Variants in ROR1 observed in about 807,000 individuals in gnomAD.
The protein encoded by ROR1 is ROR family WNT receptor 1.
In ROR1, 19 loss-of-function variants were observed where a neutral mutation model predicts 78.8. That is an observed-to-expected ratio of 0.24 (90% CI 0.17 to 0.35). The LOEUF (loss-of-function observed/expected upper bound fraction) is 0.35, where lower values mean the gene tolerates loss of function less well. ROR1 is among the 10% of genes least tolerant of loss of function. ROR1 has a pLI of 1.00. For missense variants in ROR1, 917 were observed against 1,177.8 expected, an observed-to-expected ratio of 0.78 and a Z score of 3.24; for synonymous variants, 386 against 433.6, an observed-to-expected ratio of 0.89 and a Z score of 1.36.
rs147973610 is a variant in ROR1 at position 63,844,692 on chromosome 1, T to C, written c.91+70184T>C. 3.1e-3 allele frequency among the ~76,000 whole-genome samples: 478 copies of C among 152,248 alleles called. 2 individuals are homozygous for C. Among genetic ancestry groups the C allele is most frequent in the African/African-American group, 0.011 (451 of 41,542 alleles). On this transcript the variant is annotated intron_variant, in intron 1 of 8. Coordinates refer to ENST00000371079, the MANE Select transcript of ROR1 (RefSeq NM_005012.4). ...AGAATTAGGCCCTATAGGAGTCCAG[T>C]GTAGGGAGTTTGCTTGTTGAGTGTG...
intron 1 of ROR1, among the ~76,000 whole-genome samples, chr1:63,897,097 C>G (rs568307266): frequency 1.4e-4 from 21 of 152,200 alleles, no homozygotes; most frequent in African/African-American, 5.1e-4. Flanking sequence ...TTGCATTTCT[C>G]TTATTCACTA....
intron 8 of ROR1, among the ~76,000 whole-genome samples, chr1:64,163,674 T>A (rs1650009164): frequency 6.6e-6 from 1 of 152,164 alleles, no homozygotes; most frequent in South Asian, 2.1e-4. Context: ...AGACAATTCA[T>A]CTCTCCGTTT....
At chr1:64,022,473 A>G (rs1205757804) in intron 2 of ROR1, among the ~76,000 whole-genome samples, 1 of 152,214 alleles carries the variant, frequency 6.6e-6, no homozygotes, top group East Asian at 1.9e-4. Flanking sequence ...TGGTCTTGCT[A>G]TTCTTCTGTA....
At chr1:63,907,393 G>A (rs1402063326) in intron 1 of ROR1, among the ~76,000 whole-genome samples, 1 of 152,152 alleles carries the variant, frequency 6.6e-6, no homozygotes, top group East Asian at 1.9e-4. Context: ...CACCTCCTGG[G>A]GTTATTTTAA....
At chr1:63,826,777 G>A (rs1410899781) in intron 1 of ROR1, among the ~76,000 whole-genome samples, 1 of 151,730 alleles carries the variant, frequency 6.6e-6, no homozygotes, top group Admixed American at 6.6e-5. Flanking sequence ...TGGAGAAAAA[G>A]CATTCCTTTT....
chr1:63,963,087 A>T (rs1020412060), intron 1 of ROR1, among the ~76,000 whole-genome samples: 1 of 152,158 alleles, frequency 6.6e-6, no homozygotes, highest in East Asian at 1.9e-4. Flanking sequence ...TCAGTTATAG[A>T]TGACATCTGT....
intron 1 of ROR1, among the ~76,000 whole-genome samples, chr1:63,971,794 T>G (rs1646121581): frequency 6.6e-6 from 1 of 152,058 alleles, no homozygotes; most frequent in Non-Finnish European, 1.5e-5. Flanking sequence ...ACCTGATGGG[T>G]ATGAGTAGGA....
intron 4 of ROR1, among the ~76,000 whole-genome samples, chr1:64,084,805 C>T (rs562134544): frequency 3.3e-5 from 5 of 152,216 alleles, no homozygotes; most frequent in African/African-American, 1.2e-4. Flanking sequence ...TTTGGGGATG[C>T]CTTGAGAAGG....
At chr1:63,919,248 A>C (rs1242617677) in intron 1 of ROR1, among the ~76,000 whole-genome samples, 1 of 152,184 alleles carries the variant, frequency 6.6e-6, no homozygotes, top group Non-Finnish European at 1.5e-5. Flanking sequence ...TTTTTCTAAA[A>C]CTAATAGGAG....
chr1:63,989,716 T>A (rs1646279901), intron 1 of ROR1, among the ~76,000 whole-genome samples: 1 of 152,202 alleles, frequency 6.6e-6, no homozygotes. Context: ...ATGATGTGGT[T>A]TCTAGATCTC....
At chr1:64,143,297 G>A in intron 7 of ROR1, 1 of 960,354 alleles carries the variant, frequency 1.0e-6, no homozygotes, top group Non-Finnish European at 1.2e-6. Flanking sequence ...GAGGCAGGAG[G>A]ATCATTTGAG....
chr1:63,964,264 A>G (rs1212265687), intron 1 of ROR1, among the ~76,000 whole-genome samples: 6 of 152,194 alleles, frequency 3.9e-5, no homozygotes, highest in Non-Finnish European at 7.4e-5. Flanking sequence ...AATGCTTATT[A>G]AATGGAATTC....
chr1:63,965,539 G>A (rs1646066969), intron 1 of ROR1, among the ~76,000 whole-genome samples: 1 of 152,128 alleles, frequency 6.6e-6, no homozygotes, highest in Admixed American at 6.5e-5. Context: ...TTTAAAGGAA[G>A]AAAAATTAAA....
At chr1:63,984,195 G>A (rs1646233023) in intron 1 of ROR1, among the ~76,000 whole-genome samples, 1 of 152,170 alleles carries the variant, frequency 6.6e-6, no homozygotes, top group Admixed American at 6.5e-5. Context: ...TGGCTGAATG[G>A]TAGGAGCTAG....
intron 4 of ROR1, among the ~76,000 whole-genome samples, chr1:64,060,298 T>C (rs145253444): frequency 6.6e-6 from 1 of 152,314 alleles, no homozygotes; most frequent in Non-Finnish European, 1.5e-5. Flanking sequence ...AGTATCATCA[T>C]CAATGCTATC....
chr1:63,884,840 G>GTT (rs1161566027), intron 1 of ROR1, among the ~76,000 whole-genome samples: 3 of 145,818 alleles, frequency 2.1e-5, no homozygotes, highest in African/African-American at 7.5e-5. Flanking sequence ...GTTATGGTGT[G>GTT]TTTTTTTTTT....
At chr1:63,933,044 A>T (rs942172815) in intron 1 of ROR1, among the ~76,000 whole-genome samples, 1 of 152,242 alleles carries the variant, frequency 6.6e-6, no homozygotes, top group Non-Finnish European at 1.5e-5. Flanking sequence ...GAGCCCAGGG[A>T]TCTTGCCAGC....
At chr1:64,164,970 T>C (rs1018721343) in intron 8 of ROR1, among the ~76,000 whole-genome samples, 3 of 152,210 alleles carry the variant, frequency 2.0e-5, no homozygotes, top group Non-Finnish European at 2.9e-5. Flanking sequence ...TGGAGTATAT[T>C]GTATGTACCA....
At chr1:63,943,524 G>C (rs1645858115) in intron 1 of ROR1, among the ~76,000 whole-genome samples, 1 of 152,120 alleles carries the variant, frequency 6.6e-6, no homozygotes. Flanking sequence ...GTCCTTCCTG[G>C]AGAGCCATTC....
Sources: gnomAD v4.1 joint callset for allele counts (sites outside exome capture counted in the v4.1 genomes callset) on GRCh38, gnomAD v4.1.1 for gene constraint, MANE v1.5 for transcripts, NCBI Gene and HGNC (gene_info 2026-07-23, HGNC 2026-07-21) for gene names.